FNDC10: variants seen among roughly 807,000 people sequenced by gnomAD.
FNDC10 encodes fibronectin type III domain-containing protein 10.
FNDC10 carries 8 observed loss-of-function variants against 11.6 expected under a neutral mutation model. The observed-to-expected ratio is 0.69, with a 90% CI of 0.41 to 1.25. FNDC10 has a LOEUF of 1.25. FNDC10 is among the 50% of genes most tolerant of loss of function. The probability of loss-of-function intolerance (pLI) is 0.01; values close to 1 mark genes in which losing one functional copy is unlikely to be tolerated. For synonymous variants in FNDC10, 187 were observed against 162.9 expected (o/e 1.15, Z -1.12); for missense variants, 308 against 330.2 (o/e 0.93, Z 0.52).
chr1:1,599,164 G>A lies in FNDC10; in HGVS notation c.*171C>T. The stretch of plus-strand genomic sequence containing the variant: ...CCAGAGTCTGGGAGTCTGACGCCCG[G>A]CTGGAAAGGGCGTGTGATGATGCCA... On this transcript the variant is annotated 3_prime_UTR_variant, in exon 1 of 1. Transcript: ENST00000422725. The surrounding 1 kb of genome is among the most constrained non-coding windows in gnomAD (Gnocchi z 6.7). 2 of 634,222 alleles carry A rather than the reference G, an allele frequency of 3.2e-6. No individual in the cohort carries two copies. The highest frequency in any genetic ancestry group is 5.2e-6 in the Non-Finnish European group (2 of 386,890). 39.3% of individuals were successfully genotyped at this position (634,222 alleles called of 1,614,324 possible).
Position 1,599,561 on chromosome 1 carries a change from G to A in FNDC10, c.455C>T (p.Pro152Leu), listed in dbSNP as rs1643086966. The change falls in exon 1 of 1, where the codon CCG becomes CTG. Residue 152 changes from proline to leucine, a missense_variant. Coordinates refer to ENST00000422725, the MANE Select transcript of FNDC10 (RefSeq NM_001242659.2). The surrounding 1 kb of genome is among the most constrained non-coding windows in gnomAD (Gnocchi z 6.7). ...VLYRLCLQPL[P>L]LRAGPAAAAP... Reference sequence around the variant, plus strand: ...GGCGGCGGCGGGCCCAGCGCGCAGCGGCAGCGGCTGCAGGCACAGGCGGTA... The same window carrying A: ...GGCGGCGGCGGGCCCAGCGCGCAGCAGCAGCGGCTGCAGGCACAGGCGGTA... The A allele has an allele frequency of 1.3e-6, 2 of 1,507,692 alleles. No homozygotes were observed. Among genetic ancestry groups the A allele is most frequent in the African/African-American group, 2.9e-5 (2 of 69,270 alleles). 93.4% of individuals were successfully genotyped at this position (1,507,692 alleles called of 1,614,324 possible). A position where few individuals can be genotyped will look rare whatever the true frequency, so the allele number is the denominator to read the frequency against.
chr1:1,598,495 G>C lies in FNDC10; in HGVS notation c.*840C>G, dbSNP rs1207092174. On this transcript the variant is annotated 3_prime_UTR_variant, in exon 1 of 1. Transcript: ENST00000422725. ...AGCGGTGGAAGGTCGGGCTGCTCAA[G>C]GCCGGTATCTAAGCTTCTGCCCTGG... 1 of 152,308 alleles carries C rather than the reference G, an allele frequency of 6.6e-6. No individual in the cohort carries two copies. Among genetic ancestry groups the C allele is most frequent in the African/African-American group, 2.4e-5 (1 of 41,438 alleles). The allele number at this position is 152,308 out of a possible 1,614,324, so 9.4% of individuals were successfully genotyped here.
At position 1,599,598 on chromosome 1, in the gene FNDC10, C is replaced by G; in HGVS notation, c.418G>C (p.Asp140His). ...AGGCACAGGCGGTAGAGGACGCTGT[C>G]GTGCACGTCGGGCAGCAGGTAGTCG... The part of the protein sequence containing the change: ...CRDYLLPDVH[D>H]SVLYRLCLQP... Residue 140 changes from aspartate to histidine, a missense_variant, in exon 1 of 1, where the codon GAC becomes CAC. Asp to His is a moderately conservative substitution (Grantham distance 81). Transcript: ENST00000422725. This position sits in a 1 kb window ranked among gnomAD's most constrained non-coding sequence, Gnocchi z 6.7. 1.3e-6 allele frequency: 2 copies of G among 1,505,466 alleles called. No homozygotes were observed. The highest frequency in any genetic ancestry group is 1.4e-5 in the African/African-American group (1 of 69,058). 93.3% of individuals were successfully genotyped at this position (1,505,466 alleles called of 1,614,324 possible).
In FNDC10 at chr1:1,598,446, T is replaced by G. The variant is rs1168208217; in HGVS notation, c.*889A>C. 1 of 152,174 alleles carries G rather than the reference T, an allele frequency of 6.6e-6. No individual in the cohort carries two copies. The highest frequency in any genetic ancestry group is 1.9e-4 in the East Asian group (1 of 5,194). The allele number at this position is 152,174 out of a possible 1,614,324, so 9.4% of individuals were successfully genotyped here. A position where few individuals can be genotyped will look rare whatever the true frequency, so the allele number is the denominator to read the frequency against. ...ACCGTTGCCACCAAGGTCCCCTGGG[T>G]CGGCTGAGGCTTGGGATCCAGGCAG... On this transcript the variant is annotated 3_prime_UTR_variant, in exon 1 of 1. Transcript: ENST00000422725.
rs1335312580 is a variant in FNDC10 at position 1,599,212 on chromosome 1, A to C, written c.*123T>G. On this transcript the variant is annotated 3_prime_UTR_variant, in exon 1 of 1. Transcript: ENST00000422725. The surrounding 1 kb of genome is among the most constrained non-coding windows in gnomAD (Gnocchi z 6.7). ...CCAAAGTGCCGGAGCCGTCGCCGGC[A>C]GGTCCTCCTCCGCGGGGATCTTAAG... 3.1e-6 allele frequency: 3 copies of C among 958,346 alleles called. No homozygotes were observed. The highest frequency in any genetic ancestry group is 4.4e-6 in the Non-Finnish European group (3 of 678,812). 59.4% of individuals were successfully genotyped at this position (958,346 alleles called of 1,614,324 possible).
At position 1,599,308 on chromosome 1, in the gene FNDC10, G is replaced by T; in HGVS notation, c.*27C>A. On this transcript the variant is annotated 3_prime_UTR_variant, in exon 1 of 1. Coordinates refer to ENST00000422725, the MANE Select transcript of FNDC10 (RefSeq NM_001242659.2). This position sits in a 1 kb window ranked among gnomAD's most constrained non-coding sequence, Gnocchi z 6.7. ...GCTCAGGCGCCCTCAGGCAGGTGGC[G>T]CAAAGATGGGCGGGCGGCCTCGCGC... 6.8e-7 allele frequency: 1 copy of T among 1,463,132 alleles called. No homozygotes were observed. Among genetic ancestry groups the T allele is most frequent in the Non-Finnish European group, 9.0e-7 (1 of 1,113,872 alleles). 90.6% of individuals were successfully genotyped at this position (1,463,132 alleles called of 1,614,324 possible). A position where few individuals can be genotyped will look rare whatever the true frequency, so the allele number is the denominator to read the frequency against.
Position 1,599,709 on chromosome 1 carries a change from C to A in FNDC10, c.307G>T (p.Val103Leu). The change falls in exon 1 of 1, where the codon GTG becomes TTG. Residue 103 changes from valine (V) to leucine (L), a missense_variant. Physicochemically the swap from Val to Leu is conservative, Grantham distance 32. Coordinates refer to ENST00000422725, the MANE Select transcript of FNDC10 (RefSeq NM_001242659.2). The surrounding 1 kb of genome is among the most constrained non-coding windows in gnomAD (Gnocchi z 6.7). ...GAGCAGTTGAGCGCGAAGGCGCGCA[C>A]GCGGCGCGCGGCGGCCGGGGCCAGG... ...WRLAPAAARR[V>L]RAFALNCSWR... 1 of 1,338,994 alleles carries A rather than the reference C, an allele frequency of 7.5e-7. No homozygotes were observed. The highest frequency in any genetic ancestry group is 9.5e-7 in the Non-Finnish European group (1 of 1,053,256). 82.9% of individuals were successfully genotyped at this position (1,338,994 alleles called of 1,614,324 possible). A position where few individuals can be genotyped will look rare whatever the true frequency, so the allele number is the denominator to read the frequency against.
Position 1,599,985 on chromosome 1 carries a change from C to CGG in FNDC10, c.30_31insCC (p.Ala11ProfsTer178). The CGG allele has an allele frequency of 1.0e-6, 1 of 982,158 alleles. No individual in the cohort carries two copies. Among genetic ancestry groups the CGG allele is most frequent in the Non-Finnish European group, 1.2e-6 (1 of 829,164 alleles). 60.8% of individuals were successfully genotyped at this position (982,158 alleles called of 1,614,324 possible). A position where few individuals can be genotyped will look rare whatever the true frequency, so the allele number is the denominator to read the frequency against. ...GCGCAGGGCGGCGGCGCGCAGGCGGCCAGCAGCAGCAGCAGCGGCGGGGCG... is the reference window on the plus strand; with the variant it reads ...GCGCAGGGCGGCGGCGCGCAGGCGGCGGCAGCAGCAGCAGCAGCGGCGGGGCG... On this transcript the variant is annotated frameshift_variant, in exon 1 of 1. Coordinates refer to ENST00000422725, the MANE Select transcript of FNDC10 (RefSeq NM_001242659.2). LOFTEE classifies it high-confidence loss of function. The surrounding 1 kb of genome is among the most constrained non-coding windows in gnomAD (Gnocchi z 6.7).
Position 1,599,321 on chromosome 1 carries a change from G to A in FNDC10, c.*14C>T. The A allele has an allele frequency of 2.0e-6, 3 of 1,469,938 alleles. No homozygotes were observed. The highest frequency in any genetic ancestry group is 2.7e-6 in the Non-Finnish European group (3 of 1,117,356). 91.1% of individuals were successfully genotyped at this position (1,469,938 alleles called of 1,614,324 possible). On this transcript the variant is annotated 3_prime_UTR_variant, in exon 1 of 1. Coordinates refer to ENST00000422725, the MANE Select transcript of FNDC10 (RefSeq NM_001242659.2). The surrounding 1 kb of genome is among the most constrained non-coding windows in gnomAD (Gnocchi z 6.7). ...CAGGCAGGTGGCGCAAAGATGGGCG[G>A]GCGGCCTCGCGCTTCAGGGGTGTCT...
rs549207649 is a variant in FNDC10 at position 1,598,791 on chromosome 1, G to A, written c.*544C>T. The A allele has an allele frequency of 2.6e-3, 397 of 154,222 alleles. No homozygotes were observed. Among genetic ancestry groups the A allele is most frequent in the Non-Finnish European group, 4.7e-3 (323 of 69,396 alleles). The allele number at this position is 154,222 out of a possible 1,614,324, so 9.6% of individuals were successfully genotyped here. ...CGCTGGCCAGATGCATGGAGAGGCC[G>A]GCCAATCTTAGGGCCACAGACCCCC... On this transcript the variant is annotated 3_prime_UTR_variant, in exon 1 of 1. Transcript: ENST00000422725.
Position 1,599,633 on chromosome 1 carries a change from G to A in FNDC10, c.383C>T (p.Ala128Val). ...RFPCERVLLG[A>V]SCRDYLLPDV... The stretch of plus-strand genomic sequence containing the variant: ...GGGCAGCAGGTAGTCGCGGCAGGAG[G>A]CCCCGAGGAGCACGCGCTCGCACGG... The change falls in exon 1 of 1, where the codon GCC (alanine) becomes GTC (valine). Residue 128 changes from alanine (A) to valine (V), a missense_variant. Physicochemically the swap from Ala to Val is moderately conservative, Grantham distance 64. Coordinates refer to ENST00000422725, the MANE Select transcript of FNDC10 (RefSeq NM_001242659.2). This position sits in a 1 kb window ranked among gnomAD's most constrained non-coding sequence, Gnocchi z 6.7. The A allele has an allele frequency of 6.7e-7, 1 of 1,485,116 alleles. No homozygotes were observed. Among genetic ancestry groups the A allele is most frequent in the Non-Finnish European group, 8.9e-7 (1 of 1,121,240 alleles). 92.0% of individuals were successfully genotyped at this position (1,485,116 alleles called of 1,614,324 possible). A position where few individuals can be genotyped will look rare whatever the true frequency, so the allele number is the denominator to read the frequency against.
At position 1,600,064 on chromosome 1, in the gene FNDC10, G is replaced by A; in HGVS notation, c.-49C>T. The A allele has an allele frequency of 2.1e-6, 2 of 937,810 alleles. No homozygotes were observed. Among genetic ancestry groups the A allele is most frequent in the Non-Finnish European group, 2.5e-6 (2 of 790,258 alleles). The allele number at this position is 937,810 out of a possible 1,614,324, so 58.1% of individuals were successfully genotyped here. A position where few individuals can be genotyped will look rare whatever the true frequency, so the allele number is the denominator to read the frequency against. ...GGCGCTGGGTCACGCGGGCCGCGCC[G>A]CCGCCGTCCCCGCTGCCCGCTCCCC... is the stretch of plus-strand genomic sequence containing the variant. On this transcript the variant is annotated 5_prime_UTR_variant, in exon 1 of 1. Coordinates refer to ENST00000422725, the MANE Select transcript of FNDC10 (RefSeq NM_001242659.2).
rs1643074360 is a variant in FNDC10 at position 1,598,581 on chromosome 1, C to T, written c.*754G>A. Reference sequence around the variant, plus strand: ...CACAGGGACCTAGTCAGAGGTCGCACACACAAAAGGGGTACCTGGCCCTGG... The same window carrying T: ...CACAGGGACCTAGTCAGAGGTCGCATACACAAAAGGGGTACCTGGCCCTGG... On this transcript the variant is annotated 3_prime_UTR_variant, in exon 1 of 1. Coordinates refer to ENST00000422725, the MANE Select transcript of FNDC10 (RefSeq NM_001242659.2). 6.6e-6 allele frequency: 1 copy of T among 152,214 alleles called. No homozygotes were observed. 9.4% of individuals were successfully genotyped at this position (152,214 alleles called of 1,614,324 possible). A position where few individuals can be genotyped will look rare whatever the true frequency, so the allele number is the denominator to read the frequency against.
rs766990784 is a variant in FNDC10, at chr1:1,599,506, G to A, written c.510C>T (p.Cys170=). ...CGGCCGGCTCGGCGGTGAACTCCAC[G>A]CACTCGGCCGGCTCGGGGGTCTCTG... ...AAPETPEPAE[C]VEFTAEPAGM... The change falls in exon 1 of 1, where the codon TGC becomes TGT. Residue 170 remains cysteine (C), a synonymous_variant. Coordinates refer to ENST00000422725, the MANE Select transcript of FNDC10 (RefSeq NM_001242659.2). This position sits in a 1 kb window ranked among gnomAD's most constrained non-coding sequence, Gnocchi z 6.7. 26 of 1,527,096 alleles carry A rather than the reference G, an allele frequency of 1.7e-5. No individual in the cohort carries two copies. The East Asian group carries it at 5.8e-4, about 34-fold the overall frequency. 94.6% of individuals were successfully genotyped at this position (1,527,096 alleles called of 1,614,324 possible).
chr1:1,599,581 G>A lies in FNDC10; in HGVS notation c.435C>T (p.Arg145=), dbSNP rs910932120. Residue 145 remains arginine (R), a synonymous_variant, in exon 1 of 1, where the codon CGC becomes CGT. Coordinates refer to ENST00000422725, the MANE Select transcript of FNDC10 (RefSeq NM_001242659.2). The surrounding 1 kb of genome is among the most constrained non-coding windows in gnomAD (Gnocchi z 6.7). The stretch of plus-strand genomic sequence containing the variant: ...GCAGCGGCAGCGGCTGCAGGCACAG[G>A]CGGTAGAGGACGCTGTCGTGCACGT... The part of the protein sequence containing the change: ...LPDVHDSVLY[R]LCLQPLPLRA... The A allele has an allele frequency of 2.6e-6, 4 of 1,511,092 alleles. No individual in the cohort carries two copies. Among genetic ancestry groups the A allele is most frequent in the African/African-American group, 2.9e-5 (2 of 69,364 alleles). The allele number at this position is 1,511,092 out of a possible 1,614,324, so 93.6% of individuals were successfully genotyped here.
In FNDC10 at chr1:1,599,878, G is replaced by A; in HGVS notation, c.138C>T (p.Pro46=). 1 of 1,022,526 alleles carries A rather than the reference G, an allele frequency of 9.8e-7. No homozygotes were observed. The highest frequency in any genetic ancestry group is 1.2e-6 in the Non-Finnish European group (1 of 856,606). 63.3% of individuals were successfully genotyped at this position (1,022,526 alleles called of 1,614,324 possible). A position where few individuals can be genotyped will look rare whatever the true frequency, so the allele number is the denominator to read the frequency against. ...AGCACAGGCGCCCGCCGCCCGCCTC[G>A]GGGCCCTCGGGCAGCACCTTGTAGG... ...WCPYKVLPEG[P]EAGGGRLCFR... is the part of the protein sequence containing the mutation. Residue 46 remains proline, a synonymous_variant, in exon 1 of 1, where the codon CCC becomes CCT. Transcript: ENST00000422725. This position sits in a 1 kb window ranked among gnomAD's most constrained non-coding sequence, Gnocchi z 6.7.
Position 1,599,729 on chromosome 1 carries a change from G to A in FNDC10, c.287C>T (p.Ala96Val), listed in dbSNP as rs566800952. The A allele has an allele frequency of 1.7e-4, 224 of 1,325,044 alleles. No individual in the cohort carries two copies. The highest frequency in any genetic ancestry group is 1.7e-3 in the East Asian group (51 of 30,642). 82.1% of individuals were successfully genotyped at this position (1,325,044 alleles called of 1,614,324 possible). A position where few individuals can be genotyped will look rare whatever the true frequency, so the allele number is the denominator to read the frequency against. The change falls in exon 1 of 1, where the codon GCC becomes GTC. Residue 96 changes from alanine (A) to valine (V), a missense_variant. Coordinates refer to ENST00000422725, the MANE Select transcript of FNDC10 (RefSeq NM_001242659.2). This position sits in a 1 kb window ranked among gnomAD's most constrained non-coding sequence, Gnocchi z 6.7. The part of the protein sequence containing the change: ...NRSVLLQWRL[A>V]PAAARRVRAF... ...GCGCACGCGGCGCGCGGCGGCCGGG[G>A]CCAGGCGCCACTGCAGGAGGACGCT...
At position 1,598,353 on chromosome 1, in the gene FNDC10, T is replaced by G. The variant is rs1046468748; in HGVS notation, c.*982A>C. ...AGCTTTTCTTCCATGGCGGGTGGCATTGTCTGGGCCGGATACTGGCTCTCG... is the reference window on the plus strand; with the variant it reads ...AGCTTTTCTTCCATGGCGGGTGGCAGTGTCTGGGCCGGATACTGGCTCTCG... On this transcript the variant is annotated 3_prime_UTR_variant, in exon 1 of 1. Coordinates refer to ENST00000422725, the MANE Select transcript of FNDC10 (RefSeq NM_001242659.2). The G allele has an allele frequency of 1.3e-5, 2 of 152,268 alleles. No homozygotes were observed. The highest frequency in any genetic ancestry group is 4.8e-5 in the African/African-American group (2 of 41,398). 9.4% of individuals were successfully genotyped at this position (152,268 alleles called of 1,614,324 possible).
Position 1,599,623 on chromosome 1 carries a change from G to C in FNDC10, c.393C>G (p.Arg131=), listed in dbSNP as rs1040843506. 16 of 1,495,048 alleles carry C rather than the reference G, an allele frequency of 1.1e-5. No individual in the cohort carries two copies. In the African/African-American group the frequency reaches 2.0e-4, roughly 19 times the overall value. The allele number at this position is 1,495,048 out of a possible 1,614,324, so 92.6% of individuals were successfully genotyped here. The change falls in exon 1 of 1, where the codon CGC becomes CGG. Residue 131 remains arginine (R), a synonymous_variant. Transcript: ENST00000422725. This position sits in a 1 kb window ranked among gnomAD's most constrained non-coding sequence, Gnocchi z 6.7. ...CGTGCACGTCGGGCAGCAGGTAGTCGCGGCAGGAGGCCCCGAGGAGCACGC... is the reference window on the plus strand; with the variant it reads ...CGTGCACGTCGGGCAGCAGGTAGTCCCGGCAGGAGGCCCCGAGGAGCACGC... ...CERVLLGASC[R]DYLLPDVHDS...
Sources: allele counts gnomAD v4.1 joint callset, GRCh38; gene constraint gnomAD v4.1.1; non-coding constraint Gnocchi (gnomAD v3.1); transcripts MANE v1.5; gene names NCBI Gene and HGNC (gene_info 2026-07-23, HGNC 2026-07-21).